SUGCT: variants seen among roughly 807,000 people sequenced by gnomAD.
SUGCT encodes succinyl-CoA:glutarate CoA-transferase.
Under a neutral mutation model 55.0 loss-of-function variants are expected in SUGCT, and 41 were observed. That is an observed-to-expected ratio of 0.74 (90% CI 0.58 to 0.97). The LOEUF (loss-of-function observed/expected upper bound fraction) is 0.97. SUGCT is among the 50% of genes least tolerant of loss of function. The pLI is 0.00. For synonymous variants in SUGCT, 187 were observed against 200.4 expected (o/e 0.93, Z 0.56); for missense variants, 568 against 547.8 (o/e 1.04, Z -0.37).
intron 11 of SUGCT, among the ~76,000 whole-genome samples, chr7:40,491,460 A>T (rs917734379): frequency 1.3e-5 from 2 of 152,142 alleles, no homozygotes; most frequent in African/African-American, 4.8e-5. Flanking sequence ...TTATGAAGGA[A>T]ATGGAAATCA....
chr7:40,302,860 C>A (rs1192697414), intron 8 of SUGCT, among the ~76,000 whole-genome samples: 2 of 151,732 alleles, frequency 1.3e-5, no homozygotes, highest in African/African-American at 4.8e-5. Context: ...TAGATAACCA[C>A]TAAGTATTCA....
chr7:40,568,373 C>T (rs1796261332), intron 12 of SUGCT, among the ~76,000 whole-genome samples: 1 of 152,114 alleles, frequency 6.6e-6, no homozygotes, highest in Non-Finnish European at 1.5e-5. Context: ...GGGTCAAAAA[C>T]AGATGGAAAA....
At chr7:40,565,779 A>G (rs570310537) in intron 12 of SUGCT, among the ~76,000 whole-genome samples, 8 of 152,106 alleles carry the variant, frequency 5.3e-5, no homozygotes, top group Non-Finnish European at 1.2e-4. Flanking sequence ...ACACTAAGCA[A>G]GCTCACACTT....
chr7:40,300,292 G>A (rs1794455110), intron 8 of SUGCT, among the ~76,000 whole-genome samples: 1 of 152,158 alleles, frequency 6.6e-6, no homozygotes, highest in Admixed American at 6.5e-5. Context: ...GGAGTGTAAT[G>A]AGGGCTGAGC....
intron 9 of SUGCT, among the ~76,000 whole-genome samples, chr7:40,372,417 T>C (rs1784338763): frequency 6.6e-6 from 1 of 152,138 alleles, no homozygotes; most frequent in African/African-American, 2.4e-5. Context: ...TATTTTTCTA[T>C]TTCCACATCA....
chr7:40,381,040 CA>C (rs1368418780), intron 9 of SUGCT, among the ~76,000 whole-genome samples: 1 of 152,038 alleles, frequency 6.6e-6, no homozygotes, highest in East Asian at 1.9e-4. Flanking sequence ...CATCATTTGT[CA>C]TATTTTTAAT....
At chr7:40,364,517 C>CA (rs1783821927) in intron 9 of SUGCT, among the ~76,000 whole-genome samples, 1 of 152,258 alleles carries the variant, frequency 6.6e-6, no homozygotes, top group African/African-American at 2.4e-5. Flanking sequence ...CTGGTGGTGA[C>CA]AAAATCTCTC....
intron 7 of SUGCT, among the ~76,000 whole-genome samples, chr7:40,273,451 C>T (rs1366649674): frequency 2.0e-5 from 3 of 151,990 alleles, no homozygotes; most frequent in Admixed American, 2.0e-4. Context: ...GTATTCTGTG[C>T]GATTTAAGGC....
At chr7:40,271,126 G>T (rs1407026693) in intron 7 of SUGCT, among the ~76,000 whole-genome samples, 1 of 152,018 alleles carries the variant, frequency 6.6e-6, no homozygotes, top group African/African-American at 2.4e-5. Flanking sequence ...ATAAGACTGG[G>T]TCATCTGCAA....
the SUGCT span, among the ~76,000 whole-genome samples, chr7:40,943,060 C>G: frequency 1.3e-5 from 2 of 151,704 alleles, no homozygotes; most frequent in East Asian, 3.9e-4. Flanking sequence ...TATCTGATAT[C>G]TCAAAGATGT....
intron 12 of SUGCT, among the ~76,000 whole-genome samples, chr7:40,508,631 A>G (rs2151546015): frequency 6.6e-6 from 1 of 152,254 alleles, no homozygotes; most frequent in East Asian, 1.9e-4. Context: ...CATTCTTACT[A>G]AGATTTAGTT....
chr7:40,847,378 T>C (rs893367702), intron 13 of SUGCT, among the ~76,000 whole-genome samples: 1 of 151,208 alleles, frequency 6.6e-6, no homozygotes, highest in African/African-American at 2.4e-5. Context: ...GGTTCTGTCC[T>C]GGAGATGACA....
intron 8 of SUGCT, among the ~76,000 whole-genome samples, chr7:40,289,683 G>A (rs1262035734): frequency 6.6e-6 from 1 of 151,984 alleles, no homozygotes; most frequent in Non-Finnish European, 1.5e-5. Context: ...GGAAATAAAG[G>A]GTATTCAATT....
intron 13 of SUGCT, among the ~76,000 whole-genome samples, chr7:40,792,797 A>C (rs1032384467): frequency 5.9e-5 from 9 of 152,094 alleles, no homozygotes; most frequent in African/African-American, 1.9e-4. Flanking sequence ...GAGAACTAAT[A>C]AGAATCAGGT....
At chr7:40,514,278 A>G (rs1313470000) in intron 12 of SUGCT, among the ~76,000 whole-genome samples, 1 of 152,106 alleles carries the variant, frequency 6.6e-6, no homozygotes, top group Non-Finnish European at 1.5e-5. Flanking sequence ...CTGAGACCTG[A>G]AGATTCAGAC....
At chr7:40,962,209 A>G in the SUGCT span, among the ~76,000 whole-genome samples, 1 of 152,262 alleles carries the variant, frequency 6.6e-6, no homozygotes, top group East Asian at 1.9e-4. Flanking sequence ...TTACAGAGTG[A>G]TGATTGGTGC....
chr7:40,385,831 G>T (rs183437253), intron 9 of SUGCT, among the ~76,000 whole-genome samples: 1 of 152,066 alleles, frequency 6.6e-6, no homozygotes, highest in Admixed American at 6.5e-5. Context: ...ACGTGTGGAC[G>T]TTTCTTATAA....
intron 12 of SUGCT, among the ~76,000 whole-genome samples, chr7:40,694,900 TG>T (rs1784854132): frequency 6.6e-6 from 1 of 152,176 alleles, no homozygotes; most frequent in Non-Finnish European, 1.5e-5. Context: ...AGAGATGTTT[TG>T]GGGGGATTGG....
intron 11 of SUGCT, among the ~76,000 whole-genome samples, chr7:40,490,643 T>C (rs1791625854): frequency 6.6e-6 from 1 of 152,192 alleles, no homozygotes; most frequent in South Asian, 2.1e-4. Context: ...GTTGGATTTC[T>C]TTGTGGAGGA....
Sources: gnomAD v4.1 joint callset for allele counts (sites outside exome capture counted in the v4.1 genomes callset) on GRCh38, gnomAD v4.1.1 for gene constraint, MANE v1.5 for transcripts, NCBI Gene and HGNC (gene_info 2026-07-23, HGNC 2026-07-21) for gene names.